SEC31B: variants seen among roughly 807,000 people sequenced by gnomAD.
SEC31B encodes SEC31 homolog B, COPII component, also known as protein transport protein Sec31B.
In SEC31B, 113 loss-of-function variants were observed where a neutral mutation model predicts 135.0. That is an observed-to-expected ratio of 0.84 (90% CI 0.72 to 0.98). The LOEUF (loss-of-function observed/expected upper bound fraction) is 0.98. Among genes scored for constraint, SEC31B ranks in the 50% least tolerant of loss-of-function variants. The pLI is 0.00. For synonymous variants in SEC31B, 508 were observed against 549.4 expected (o/e 0.92, Z 1.05); for missense variants, 1,296 against 1,421.1 (o/e 0.91, Z 1.42).
In SEC31B at chr10:100,506,430, G is replaced by T; in HGVS notation, c.783-10C>A. ...CACTGACAAGATCCCCCTAAAAAGA[G>T]AAGGGAAGAGGAACTAGCATTTGTT... On this transcript the variant is annotated splice_polypyrimidine_tract_variant and intron_variant, in intron 7 of 25. Coordinates refer to ENST00000370345, the MANE Select transcript of SEC31B (RefSeq NM_015490.4). 6.2e-7 allele frequency: 1 copy of T among 1,613,656 alleles called. No individual in the cohort carries two copies. The highest frequency in any genetic ancestry group is 1.1e-5 in the South Asian group (1 of 91,078).
intron 3 of SEC31B, among the ~76,000 whole-genome samples, chr10:100,514,583 A>G (rs1851792592): frequency 6.6e-6 from 1 of 151,946 alleles, no homozygotes; most frequent in South Asian, 2.1e-4. Flanking sequence ...GCAAAATAAG[A>G]GATGCTCTCA....
chr10:100,503,996 A>C (rs1207991199), intron 10 of SEC31B, among the ~76,000 whole-genome samples: 1 of 152,214 alleles, frequency 6.6e-6, no homozygotes, highest in East Asian at 1.9e-4. Context: ...GATTAGTGCT[A>C]AACAAAACCA....
intron 23 of SEC31B, 114 bp from the exon 24 acceptor site, chr10:100,489,088 TTGGGGAGATGA>T: frequency 6.7e-7 from 1 of 1,482,348 alleles, no homozygotes; most frequent in Admixed American, 2.5e-5. Flanking sequence ...TACAGCAGAG[TTGGGGAGATGA>T]GCAGCCTCCC....
chr10:100,499,662 A>AC, intron 11 of SEC31B, 64 bp from the exon 12 acceptor site: 1 of 1,232,702 alleles, frequency 8.1e-7, no homozygotes, highest in Non-Finnish European at 1.2e-6. Flanking sequence ...TCTTCCTACA[A>AC]CAAGCTGGGT....
At chr10:100,505,299 A>T in intron 10 of SEC31B, 62 bp downstream of exon 10, 1 of 1,486,882 alleles carries the variant, frequency 6.7e-7, no homozygotes, top group Non-Finnish European at 9.1e-7. Context: ...AGGCTTCACA[A>T]ACACACACAC....
intron 18 of SEC31B, among the ~76,000 whole-genome samples, chr10:100,495,979 GCT>G (rs975195135): frequency 6.6e-6 from 1 of 152,164 alleles, no homozygotes; most frequent in Non-Finnish European, 1.5e-5. Flanking sequence ...TGAAGGTCCA[GCT>G]CAGCTGTTTT....
intron 3 of SEC31B, 90 bp downstream of exon 3, chr10:100,516,006 G>T: frequency 2.1e-6 from 3 of 1,450,990 alleles, no homozygotes; most frequent in Non-Finnish European, 2.8e-6. Context: ...TCCCTCACTT[G>T]GCTCCTCATG....
chr10:100,495,450 C>A lies in SEC31B; in HGVS notation c.2407G>T (p.Val803Leu). 6.2e-7 allele frequency: 1 copy of A among 1,613,808 alleles called. No homozygotes were observed. Among genetic ancestry groups the A allele is most frequent in the Non-Finnish European group, 8.5e-7 (1 of 1,179,874 alleles). Residue 803 changes from valine to leucine, a missense_variant, in exon 19 of 26, where the codon GTG becomes TTG. Transcript: ENST00000370345. ...TCTTTAGAGTGGAGGGTAGCTCCCA[C>A]AACAATCCGGGGGAAGGGGAAAGGG... The part of the protein sequence containing the change: ...SPPFPFPRIV[V>L]GATLHSKETS...
At chr10:100,489,193 C>G (rs3750719) in intron 23 of SEC31B, 59 bp downstream of exon 23, 326,769 of 1,535,944 alleles carry the variant, frequency 0.21, 36,585 homozygotes, top group South Asian at 0.24. Context: ...CTACCATGAC[C>G]TGCACCCAAG....
intron 9 of SEC31B, 54 bp from the exon 10 acceptor site, chr10:100,505,549 A>G: frequency 1.3e-6 from 2 of 1,501,926 alleles, no homozygotes; most frequent in East Asian, 2.4e-5. Context: ...TTAGTCAGGA[A>G]CTCCACCTAC....
chr10:100,506,251 C>T, intron 8 of SEC31B, 50 bp from the exon 9 acceptor site: 1 of 1,614,084 alleles, frequency 6.2e-7, no homozygotes, highest in Non-Finnish European at 8.5e-7. Context: ...ACCCAAAACA[C>T]ATGGCTGCAG....
chr10:100,495,338 G>A (rs370894659), intron 19 of SEC31B, 47 bp downstream of exon 19: 2 of 1,545,816 alleles, frequency 1.3e-6, no homozygotes. Flanking sequence ...AACCATGCTT[G>A]GCACGTATTA....
chr10:100,497,888 G>C (rs1053819932), intron 15 of SEC31B, 95 bp from the exon 16 acceptor site: 1 of 1,600,678 alleles, frequency 6.2e-7, no homozygotes, highest in Admixed American at 1.7e-5. Flanking sequence ...CACTGAGTAG[G>C]GGCAAGGGAT....
chr10:100,507,304 C>A (rs536080831), intron 7 of SEC31B, 121 bp downstream of exon 7: 44 of 1,258,720 alleles, frequency 3.5e-5, no homozygotes, highest in Non-Finnish European at 4.7e-5. Flanking sequence ...ATATGTTGAC[C>A]GGAATGGCTT....
chr10:100,493,155 C>T (rs1851334126), intron 19 of SEC31B, among the ~76,000 whole-genome samples: 1 of 152,106 alleles, frequency 6.6e-6, no homozygotes, highest in Non-Finnish European at 1.5e-5. Context: ...GGGCGGATCA[C>T]GAGGTCGGGA....
At position 100,507,495 on chromosome 10, in the gene SEC31B, G is replaced by A. The variant is rs1211167583; in HGVS notation, c.712C>T (p.Leu238Phe). 1.9e-6 allele frequency: 3 copies of A among 1,614,116 alleles called. No individual in the cohort carries two copies. In the African/African-American group the frequency reaches 4.0e-5, roughly 22 times the overall value. ...AAGTCCCACAGCTGAATCACGGGAA[G>A]TCGATCATCCTCTGAGCACAGCACT... is the stretch of plus-strand genomic sequence containing the variant. ...QLVLCSEDDR[L>F]PVIQLWDLRF... The change falls in exon 7 of 26, where the codon CTT becomes TTT. Residue 238 changes from leucine (L) to phenylalanine (F), a missense_variant. Transcript: ENST00000370345.
At position 100,499,266 on chromosome 10, in the gene SEC31B, G is replaced by C. The variant is rs1200953056; in HGVS notation, c.1486-8C>G. 4 of 1,606,296 alleles carry C rather than the reference G, an allele frequency of 2.5e-6. No individual in the cohort carries two copies. Among genetic ancestry groups the C allele is most frequent in the Admixed American group, 1.7e-5 (1 of 59,182 alleles). On this transcript the variant is annotated splice_polypyrimidine_tract_variant and splice_region_variant and intron_variant, in intron 12 of 25. Coordinates refer to ENST00000370345, the MANE Select transcript of SEC31B (RefSeq NM_015490.4). ...CTTCAACCATGTGGCCACCTGCAGGGAGAGACCTCTGAAAACCGCTCTTTC... is the reference window on the plus strand; with the variant it reads ...CTTCAACCATGTGGCCACCTGCAGGCAGAGACCTCTGAAAACCGCTCTTTC...
chr10:100,495,597 G>GC, intron 18 of SEC31B, 51 bp from the exon 19 acceptor site: 1 of 1,557,542 alleles, frequency 6.4e-7, no homozygotes, highest in Non-Finnish European at 8.7e-7. Flanking sequence ...AACAATCAAG[G>GC]CCCCAGGTAG....
rs756543113 is a variant in SEC31B, at chr10:100,506,104, C to A, written c.980G>T (p.Trp327Leu). Residue 327 changes from tryptophan to leucine, a missense_variant, in exon 9 of 26, where the codon TGG becomes TTG. Physicochemically the swap from Trp to Leu is moderately conservative, Grantham distance 61. Transcript: ENST00000370345. ...SVFSAASFNG[W>L]ISLYSVMGRS... ...ACCCATCACAGAGTACAAACTGATCCAGCCGTTGAAGGAGGCAGCAGAGAA... is the reference window on the plus strand; with the variant it reads ...ACCCATCACAGAGTACAAACTGATCAAGCCGTTGAAGGAGGCAGCAGAGAA... The A allele has an allele frequency of 1.6e-5, 26 of 1,614,214 alleles. No homozygotes were observed. The South Asian group carries it at 2.6e-4, about 16-fold the overall frequency.
Sources: gnomAD v4.1 joint callset for allele counts (sites outside exome capture counted in the v4.1 genomes callset) on GRCh38, gnomAD v4.1.1 for gene constraint, MANE v1.5 for transcripts, NCBI Gene and HGNC (gene_info 2026-07-23, HGNC 2026-07-21) for gene names.